The following PDSS2 variants were observed in gnomAD, a reference collection of about 807,000 sequenced individuals.
The protein encoded by PDSS2 is decaprenyl diphosphate synthase subunit 2.
PDSS2 carries 31 observed loss-of-function variants against 44.5 expected under a neutral mutation model. The observed-to-expected ratio is 0.70, with a 90% confidence interval of 0.52 to 0.94. PDSS2 has a LOEUF of 0.94. PDSS2 is among the 40% of genes least tolerant of loss of function. The pLI, the probability that PDSS2 is intolerant of heterozygous loss-of-function variation, is 0.00. For synonymous variants in PDSS2, 157 were observed against 180.3 expected (o/e 0.87, Z 1.03); for missense variants, 452 against 482.2 (o/e 0.94, Z 0.59).
At chr6:107,168,512 T>C (rs1281599264) in intron 7 of PDSS2, among the ~76,000 whole-genome samples, 1 of 151,770 alleles carries the variant, frequency 6.6e-6, no homozygotes, top group Admixed American at 6.6e-5. Context: ...AATTTGATCC[T>C]GTCATTATGA....
intron 1 of PDSS2, 47 bp downstream of exon 1, chr6:107,458,943 A>T (rs1240360521): frequency 6.3e-7 from 1 of 1,582,906 alleles, no homozygotes; most frequent in Non-Finnish European, 8.7e-7. Flanking sequence ...CAGAAAAAAA[A>T]GTATTCCAAT....
chr6:107,411,552 A>G (rs79586226), intron 1 of PDSS2, among the ~76,000 whole-genome samples: 7,328 of 152,264 alleles, frequency 0.048, 349 homozygotes, highest in African/African-American at 0.12. Context: ...TTCTGCATCC[A>G]TGGATTCAAC....
chr6:107,170,540 G>A (rs989384539), intron 7 of PDSS2, among the ~76,000 whole-genome samples: 5 of 151,020 alleles, frequency 3.3e-5, no homozygotes, highest in Admixed American at 6.6e-5. Flanking sequence ...GAAATCACCC[G>A]TCTTCTGCAT....
chr6:107,349,120 G>C (rs1306474941), intron 1 of PDSS2, among the ~76,000 whole-genome samples: 2 of 152,102 alleles, frequency 1.3e-5, no homozygotes, highest in East Asian at 3.9e-4. Flanking sequence ...CATAACCATG[G>C]GATACTTTAG....
intron 1 of PDSS2, among the ~76,000 whole-genome samples, chr6:107,430,829 A>C (rs536070127): frequency 6.6e-6 from 1 of 152,192 alleles, no homozygotes; most frequent in East Asian, 1.9e-4. Context: ...AAAAGAAAAA[A>C]GTTCTAAAAT....
intron 2 of PDSS2, among the ~76,000 whole-genome samples, chr6:107,274,822 G>T (rs977463718): frequency 1.3e-5 from 2 of 151,816 alleles, no homozygotes; most frequent in African/African-American, 4.8e-5. Flanking sequence ...ACAGGTGTGC[G>T]ACACCAAGCC....
At chr6:107,357,256 G>A (rs1778622322) in intron 1 of PDSS2, among the ~76,000 whole-genome samples, 1 of 152,032 alleles carries the variant, frequency 6.6e-6, no homozygotes, top group Non-Finnish European at 1.5e-5. Context: ...ATTTATACAG[G>A]CTATTAACTA....
intron 7 of PDSS2, among the ~76,000 whole-genome samples, chr6:107,192,136 T>A: frequency 6.6e-6 from 1 of 152,216 alleles, no homozygotes; most frequent in East Asian, 1.9e-4. Flanking sequence ...TGGGCTCTCA[T>A]GCCTGTGGGA....
At chr6:107,257,302 C>G (rs1163486133) in intron 3 of PDSS2, among the ~76,000 whole-genome samples, 1 of 152,038 alleles carries the variant, frequency 6.6e-6, no homozygotes, top group South Asian at 2.1e-4. Context: ...ACTTTGGGGG[C>G]TGAGGTGGGA....
At chr6:107,336,613 G>A (rs962044661) in intron 1 of PDSS2, among the ~76,000 whole-genome samples, 2 of 151,712 alleles carry the variant, frequency 1.3e-5, no homozygotes, top group Non-Finnish European at 2.9e-5. Context: ...ATTTTACGGC[G>A]GTTAAGAGGC....
chr6:107,176,927 G>C (rs1771809744), intron 7 of PDSS2, among the ~76,000 whole-genome samples: 1 of 151,978 alleles, frequency 6.6e-6, no homozygotes, highest in Non-Finnish European at 1.5e-5. Context: ...ACAAAGTAGT[G>C]CTTGCTATGT....
At chr6:107,204,011 A>T (rs1455981684) in intron 6 of PDSS2, among the ~76,000 whole-genome samples, 1 of 151,010 alleles carries the variant, frequency 6.6e-6, no homozygotes, top group Non-Finnish European at 1.5e-5. Context: ...AGCATGATCG[A>T]GGCTCACTGC....
At chr6:107,342,923 AC>A (rs1452207449) in intron 1 of PDSS2, among the ~76,000 whole-genome samples, 10 of 152,206 alleles carry the variant, frequency 6.6e-5, no homozygotes, top group Non-Finnish European at 2.9e-5. Context: ...AGGGCAAGGA[AC>A]CCCTTTCAAT....
In PDSS2 at chr6:107,245,551, T is replaced by C; in HGVS notation, c.699A>G (p.Ser233=). 6.4e-7 allele frequency: 1 copy of C among 1,554,130 alleles called. No homozygotes were observed. The highest frequency in any genetic ancestry group is 1.7e-4 in the Middle Eastern group (1 of 5,862). ...TTATGACTCTGAAATCCTTTACCTT[T>C]GAAGTAGAATTTTCATGATATACTC... ...VQGVYHENST[S]KESYITDDIG... The change falls in exon 4 of 8, where the codon TCA becomes TCG. Residue 233 remains serine (S), a synonymous_variant. Transcript: ENST00000369037.
At chr6:107,377,647 C>A (rs1165548488) in intron 1 of PDSS2, among the ~76,000 whole-genome samples, 3 of 152,058 alleles carry the variant, frequency 2.0e-5, no homozygotes, top group Non-Finnish European at 4.4e-5. Flanking sequence ...AAATGTCCAA[C>A]AACGATAGAC....
At chr6:107,379,480 A>C (rs12191051) in intron 1 of PDSS2, among the ~76,000 whole-genome samples, 7,254 of 152,204 alleles carry the variant, frequency 0.048, 342 homozygotes, top group African/African-American at 0.12. Flanking sequence ...TGTCTGTCTT[A>C]TCTTATACTG....
intron 3 of PDSS2, among the ~76,000 whole-genome samples, chr6:107,265,080 A>G (rs1286631008): frequency 6.6e-6 from 1 of 152,244 alleles, no homozygotes; most frequent in African/African-American, 2.4e-5. Context: ...GACTACAGCT[A>G]TAATGGTAAG....
intron 1 of PDSS2, among the ~76,000 whole-genome samples, chr6:107,388,511 C>G (rs1342674783): frequency 6.7e-6 from 1 of 149,700 alleles, no homozygotes; most frequent in African/African-American, 2.5e-5. Context: ...TGCAGTGGCG[C>G]GATCTCGGCT....
intron 2 of PDSS2, among the ~76,000 whole-genome samples, chr6:107,331,837 A>T (rs1433955392): frequency 6.6e-6 from 1 of 151,818 alleles, no homozygotes; most frequent in Non-Finnish European, 1.5e-5. Flanking sequence ...GATTAGAGAT[A>T]AAAAAAATAG....
Sources: allele counts gnomAD v4.1 joint callset (sites outside exome capture counted in the v4.1 genomes callset), GRCh38; gene constraint gnomAD v4.1.1; transcripts MANE v1.5; gene names NCBI Gene and HGNC (gene_info 2026-07-23, HGNC 2026-07-21).